The following ETF1 variants were observed in gnomAD, a reference collection of about 807,000 sequenced individuals.
ETF1 encodes the protein eukaryotic peptide chain release factor subunit 1.
A neutral mutation model predicts 55.1 loss-of-function variants in ETF1; 4 were observed. The ratio of observed to expected loss-of-function variants is 0.07; its 90% CI spans 0.04 to 0.17. The LOEUF is 0.17. Ranked by LOEUF, ETF1 falls within the 10% of genes least tolerant of loss-of-function variation. The pLI, the probability that ETF1 is intolerant of heterozygous loss-of-function variation, is 1.00. For synonymous variants in ETF1, 157 were observed against 182.3 expected, an observed-to-expected ratio of 0.86 and a Z score of 1.12; for missense variants, 142 against 523.6, an observed-to-expected ratio of 0.27 and a Z score of 7.11.
At chr5:138,538,173 A>C (rs1375784769) in intron 2 of ETF1, among the ~76,000 whole-genome samples, 1 of 147,514 alleles carries the variant, frequency 6.8e-6, no homozygotes, top group Non-Finnish European at 1.5e-5. Flanking sequence ...TACAGGCGTG[A>C]GCCACCACGC....
At chr5:138,512,258 A>ATATATAT (rs1484458741) in intron 6 of ETF1, among the ~76,000 whole-genome samples, 1 of 20,020 alleles carries the variant, frequency 5.0e-5, no homozygotes, top group African/African-American at 1.9e-4. Flanking sequence ...ATATATATAT[A>ATATATAT]TTTTTTTTTT....
Position 138,542,895 on chromosome 5 carries a change from G to A in ETF1, c.24C>T (p.Ala8=), listed in dbSNP as rs772352432. The change falls in exon 2 of 11, where the codon GCC becomes GCT. Residue 8 remains alanine, a synonymous_variant. Coordinates refer to ENST00000360541, the MANE Select transcript of ETF1 (RefSeq NM_004730.4). MADDPSA[A]DRNVEIWKIK... is the part of the protein sequence containing the mutation. ...TCTTCCAGATCTCCACGTTCCTGTC[G>A]GCAGCACTGGGGTCGTCCGCCATCT... is the stretch of plus-strand genomic sequence containing the variant. The A allele has an allele frequency of 3.1e-6, 5 of 1,613,566 alleles. No individual in the cohort carries two copies. The highest frequency in any genetic ancestry group is 1.1e-5 in the South Asian group (1 of 91,092).
chr5:138,529,838 G>C (rs35485859), intron 2 of ETF1: 34,278 of 369,212 alleles, frequency 0.093, 1,915 homozygotes, highest in East Asian at 0.23. Context: ...CTGTAACCTG[G>C]AAACTCCTGG....
chr5:138,528,905 G>A (rs532960590), intron 2 of ETF1, among the ~76,000 whole-genome samples: 6 of 152,096 alleles, frequency 3.9e-5, no homozygotes, highest in Non-Finnish European at 7.3e-5. Context: ...CCAGGACTTT[G>A]GGAAGCCGAG....
chr5:138,510,639 T>C lies in ETF1; in HGVS notation c.1019-10A>G. On this transcript the variant is annotated splice_polypyrimidine_tract_variant and intron_variant, in intron 8 of 10. Transcript: ENST00000360541. Reference sequence around the variant, plus strand: ...TAGAGAATTTTCTCCTCTGTAGTATTAGGAGGAAAAAATGTGTTAACCTGG... The same window carrying C: ...TAGAGAATTTTCTCCTCTGTAGTATCAGGAGGAAAAAATGTGTTAACCTGG... The C allele has an allele frequency of 6.2e-7, 1 of 1,612,470 alleles. No individual in the cohort carries two copies. The highest frequency in any genetic ancestry group is 8.5e-7 in the Non-Finnish European group (1 of 1,178,718).
intron 2 of ETF1, among the ~76,000 whole-genome samples, chr5:138,526,236 C>G (rs1765467344): frequency 6.6e-6 from 1 of 152,060 alleles, no homozygotes; most frequent in Non-Finnish European, 1.5e-5. Context: ...AAGCTGGTTA[C>G]AGAGTCAAAT....
chr5:138,525,635 G>A (rs923652663), intron 2 of ETF1, among the ~76,000 whole-genome samples: 14 of 151,870 alleles, frequency 9.2e-5, no homozygotes, highest in South Asian at 6.2e-4. Flanking sequence ...GATATGAACC[G>A]AAGCACACTA....
chr5:138,539,080 T>C (rs185605910), intron 2 of ETF1, among the ~76,000 whole-genome samples: 76 of 152,356 alleles, frequency 5.0e-4, no homozygotes, highest in Non-Finnish European at 8.7e-4. Context: ...ACAAGGGTTA[T>C]GGTTATGAGG....
intron 2 of ETF1, among the ~76,000 whole-genome samples, chr5:138,525,956 A>AAG (rs934641712): frequency 1.3e-5 from 2 of 151,504 alleles, no homozygotes; most frequent in Non-Finnish European, 2.9e-5. Flanking sequence ...AAAAAAAAAA[A>AAG]AAAAAGAAAT....
rs1323786956 is a variant in ETF1, at chr5:138,506,419, C to T, written c.*1886G>A. On this transcript the variant is annotated 3_prime_UTR_variant, in exon 11 of 11. Transcript: ENST00000360541. Reference sequence around the variant, plus strand: ...TAAATGTATCATGTGAAACAACAAGCATATTCAAAAATGTAAATTTACATC... The same window carrying T: ...TAAATGTATCATGTGAAACAACAAGTATATTCAAAAATGTAAATTTACATC... 1 of 152,598 alleles carries T rather than the reference C, an allele frequency of 6.6e-6. No individual in the cohort carries two copies. The highest frequency in any genetic ancestry group is 1.5e-5 in the Non-Finnish European group (1 of 68,018). The allele number at this position is 152,598 out of a possible 1,614,324, so 9.5% of individuals were successfully genotyped here.
At chr5:138,520,331 G>A (rs1765182583) in intron 2 of ETF1, among the ~76,000 whole-genome samples, 2 of 151,968 alleles carry the variant, frequency 1.3e-5, no homozygotes, top group South Asian at 4.1e-4. Context: ...ACATAAACTA[G>A]AAAATCTAAA....
intron 2 of ETF1, among the ~76,000 whole-genome samples, chr5:138,520,490 C>T (rs1424110144): frequency 6.6e-6 from 1 of 152,204 alleles, no homozygotes; most frequent in Non-Finnish European, 1.5e-5. Context: ...CTTATCATCA[C>T]TACCAGTCAA....
rs146595337 is a variant in ETF1, at chr5:138,510,689, C to T, written c.1019-60G>A. Reference sequence around the variant, plus strand: ...GCTCTCATATACTAATCTGTGTAAGCTCCATAAGATGAGGTTAGATGAGAA... The same window carrying T: ...GCTCTCATATACTAATCTGTGTAAGTTCCATAAGATGAGGTTAGATGAGAA... On this transcript the variant is annotated intron_variant, in intron 8 of 10. Transcript: ENST00000360541. 3.2e-4 allele frequency: 508 copies of T among 1,595,316 alleles called. 1 individual carries two copies. The African/African-American group carries it at 6.1e-3, about 19-fold the overall frequency.
chr5:138,517,512 G>A (rs372596520), intron 4 of ETF1, 49 bp downstream of exon 4: 136 of 1,256,902 alleles, frequency 1.1e-4, no homozygotes, highest in Non-Finnish European at 1.4e-4. Flanking sequence ...TAATGGGTAC[G>A]GGGAAAGAAT....
intron 2 of ETF1, among the ~76,000 whole-genome samples, chr5:138,542,079 G>A (rs1766201919): frequency 6.6e-6 from 1 of 152,154 alleles, no homozygotes; most frequent in African/African-American, 2.4e-5. Flanking sequence ...AGAAATGCCA[G>A]CAGGGACTCT....
At chr5:138,541,462 T>C (rs1766169774) in intron 2 of ETF1, 11 of 1,271,492 alleles carry the variant, frequency 8.7e-6, no homozygotes, top group Admixed American at 4.0e-5. Flanking sequence ...TTTAGAAGCC[T>C]CATTCCAAAC....
At chr5:138,512,225 AATATATATAT>A (rs71867448) in intron 6 of ETF1, among the ~76,000 whole-genome samples, 1 of 44,128 alleles carries the variant, frequency 2.3e-5, no homozygotes, top group African/African-American at 1.3e-4. Context: ...AAAAAAAAAA[AATATATATAT>A]ATATATATAT....
chr5:138,538,480 G>A (rs373202168), intron 2 of ETF1, among the ~76,000 whole-genome samples: 1 of 152,180 alleles, frequency 6.6e-6, no homozygotes, highest in South Asian at 2.1e-4. Context: ...GTGAGTCAAC[G>A]TGCCCAGTCC....
intron 2 of ETF1, among the ~76,000 whole-genome samples, chr5:138,523,375 AAC>A (rs1765318405): frequency 6.6e-6 from 1 of 151,892 alleles, no homozygotes; most frequent in South Asian, 2.1e-4. Flanking sequence ...TCAAGGAAAA[AAC>A]AAAAAAATTA....
Sources: allele counts gnomAD v4.1 joint callset (sites outside exome capture counted in the v4.1 genomes callset), GRCh38; gene constraint gnomAD v4.1.1; transcripts MANE v1.5; gene names NCBI Gene and HGNC (gene_info 2026-07-23, HGNC 2026-07-21).